The following FSTL5 variants were observed in gnomAD, a reference collection of about 807,000 sequenced individuals.
The protein encoded by FSTL5 is follistatin-related protein 5.
FSTL5 carries 62 observed loss-of-function variants against 89.1 expected under a neutral mutation model. That is an observed-to-expected ratio of 0.70 (90% CI 0.57 to 0.86). The LOEUF is 0.86. FSTL5 is among the 40% of genes least tolerant of loss of function. FSTL5 has a pLI of 0.00. For missense variants in FSTL5, 1,057 were observed against 1,001.6 expected (o/e 1.06, Z -0.75); for synonymous variants, 383 against 346.2 (o/e 1.11, Z -1.18).
At chr4:161,516,669 C>A (rs1022973857) in intron 10 of FSTL5, among the ~76,000 whole-genome samples, 5 of 139,080 alleles carry the variant, frequency 3.6e-5, no homozygotes, top group African/African-American at 1.1e-4. Flanking sequence ...TATATACACA[C>A]ACTAAGTATA....
chr4:161,793,048 C>A (rs911730042), intron 4 of FSTL5, among the ~76,000 whole-genome samples: 25 of 152,222 alleles, frequency 1.6e-4, no homozygotes, highest in African/African-American at 5.8e-4. Flanking sequence ...GGCACTATGG[C>A]ATTTCCCTCA....
chr4:161,552,544 C>CTGCA (rs1024642988), intron 8 of FSTL5: 4 of 151,710 alleles, frequency 2.6e-5, no homozygotes, highest in Admixed American at 2.6e-4. Context: ...CAATTTCCTC[C>CTGCA]TGCATTCCAA....
chr4:161,553,408 C>A lies in FSTL5; in HGVS notation c.1016-10715G>T, dbSNP rs575186858. Among the ~76,000 whole-genome samples the A allele has an allele frequency of 4.3e-3, 654 of 151,030 alleles. 3 individuals carry two copies. Among genetic ancestry groups the A allele is most frequent in the Middle Eastern group, 0.014 (4 of 294 alleles). ...AGGATGTAAATATATATATTTTATT[C>A]AAAAATTAGGTAAAGTATAAAATTT... On this transcript the variant is annotated intron_variant, in intron 8 of 15. Coordinates refer to ENST00000306100, the MANE Select transcript of FSTL5 (RefSeq NM_020116.5).
chr4:161,775,300 T>G (rs1266295810), intron 5 of FSTL5, among the ~76,000 whole-genome samples: 1 of 152,150 alleles, frequency 6.6e-6, no homozygotes, highest in East Asian at 1.9e-4. Context: ...TTGGGCTTCT[T>G]CTCTTCATTA....
intron 7 of FSTL5, among the ~76,000 whole-genome samples, chr4:161,598,368 C>G (rs570998025): frequency 7.6e-6 from 1 of 132,156 alleles, no homozygotes; most frequent in African/African-American, 2.9e-5. Flanking sequence ...GAGTGAGACC[C>G]TGTCTCAAAA....
chr4:161,900,363 A>G (rs1039383442), intron 4 of FSTL5, among the ~76,000 whole-genome samples: 7 of 152,068 alleles, frequency 4.6e-5, no homozygotes, highest in Middle Eastern at 3.2e-3. Context: ...GTTCTCAGCA[A>G]GAACAGAAAC....
In FSTL5 at chr4:161,455,007, A is replaced by T. The variant is rs1209893117; in HGVS notation, c.1838T>A (p.Met613Lys). 1 of 1,613,280 alleles carries T rather than the reference A, an allele frequency of 6.2e-7. No individual in the cohort carries two copies. The highest frequency in any genetic ancestry group is 1.1e-5 in the South Asian group (1 of 90,958). Residue 613 changes from methionine (M) to lysine (K), a missense_variant, in exon 15 of 16, where the codon ATG becomes AAG. Physicochemically the swap from Met to Lys is moderately conservative, Grantham distance 95. Around this residue, in one of 3 missense-constraint regions of FSTL5, gnomAD observed 980 missense variants for 903.2 expected, o/e 1.08. Transcript: ENST00000306100. Reference sequence around the variant, plus strand: ...GATCACTCAACTTAGCACTTACCTCATATGGGTGATAATGAGTGTTGTGGT... The same window carrying T: ...GATCACTCAACTTAGCACTTACCTCTTATGGGTGATAATGAGTGTTGTGGT... ...IPTTTLIITH[M>K]RFGFILHKDE...
chr4:161,535,020 T>C (rs991399207), intron 10 of FSTL5, among the ~76,000 whole-genome samples: 2 of 152,126 alleles, frequency 1.3e-5, no homozygotes, highest in Non-Finnish European at 2.9e-5. Flanking sequence ...GCTAGCCACA[T>C]GCAGAAGAAT....
chr4:161,473,011 C>T (rs1734002686), intron 13 of FSTL5, among the ~76,000 whole-genome samples: 1 of 152,182 alleles, frequency 6.6e-6, no homozygotes, highest in Non-Finnish European at 1.5e-5. Flanking sequence ...CTATGAGCCA[C>T]CGTGCCTGGC....
intron 3 of FSTL5, among the ~76,000 whole-genome samples, chr4:161,959,311 A>G (rs1163109129): frequency 1.3e-5 from 2 of 152,100 alleles, no homozygotes; most frequent in African/African-American, 2.4e-5. Flanking sequence ...TAAGATACAT[A>G]TTTCCCATGT....
intron 8 of FSTL5, among the ~76,000 whole-genome samples, chr4:161,576,154 T>C (rs1337368034): frequency 2.6e-5 from 4 of 152,002 alleles, no homozygotes; most frequent in Non-Finnish European, 4.4e-5. Flanking sequence ...AAACCACTCC[T>C]CAAGGAAATA....
chr4:161,954,146 G>T (rs1169610851), intron 3 of FSTL5, among the ~76,000 whole-genome samples: 2 of 151,508 alleles, frequency 1.3e-5, no homozygotes, highest in Non-Finnish European at 3.0e-5. Context: ...AAATGAAGAT[G>T]TATCCAATTT....
At chr4:162,120,806 T>C (rs902533168) in intron 1 of FSTL5, among the ~76,000 whole-genome samples, 1 of 151,998 alleles carries the variant, frequency 6.6e-6, no homozygotes, top group East Asian at 1.9e-4. Context: ...AAAACACACA[T>C]GTACAAGTGC....
intron 4 of FSTL5, among the ~76,000 whole-genome samples, chr4:161,884,051 T>G (rs1732720754): frequency 1.6e-5 from 1 of 64,096 alleles, no homozygotes; most frequent in Admixed American, 2.2e-4. Context: ...TAGTTGTTCT[T>G]TTAATTTAAT....
intron 4 of FSTL5, among the ~76,000 whole-genome samples, chr4:161,825,906 T>C (rs1730652965): frequency 6.6e-6 from 1 of 152,078 alleles, no homozygotes; most frequent in African/African-American, 2.4e-5. Flanking sequence ...TCATTATTTC[T>C]TTTTTTCTGT....
chr4:161,962,892 A>G (rs1242689696), intron 3 of FSTL5, among the ~76,000 whole-genome samples: 2 of 152,060 alleles, frequency 1.3e-5, no homozygotes, highest in African/African-American at 4.8e-5. Flanking sequence ...GAAAATTAAT[A>G]TAAAAATTTC....
At chr4:161,768,110 A>G (rs1440796210) in intron 5 of FSTL5, among the ~76,000 whole-genome samples, 1 of 152,118 alleles carries the variant, frequency 6.6e-6, no homozygotes, top group Non-Finnish European at 1.5e-5. Flanking sequence ...ACTTGAGGAA[A>G]TTGAAAAATA....
chr4:162,074,483 G>T (rs1466379109), intron 2 of FSTL5, among the ~76,000 whole-genome samples: 3 of 151,446 alleles, frequency 2.0e-5, no homozygotes, highest in Middle Eastern at 3.2e-3. Flanking sequence ...TAATCATCTT[G>T]AATTGACATT....
intron 7 of FSTL5, among the ~76,000 whole-genome samples, chr4:161,604,635 A>C (rs928936258): frequency 2.6e-5 from 4 of 152,302 alleles, no homozygotes; most frequent in Admixed American, 2.0e-4. Context: ...CTGGGGTTAC[A>C]AAACCACCCA....
Sources: allele counts gnomAD v4.1 joint callset (sites outside exome capture counted in the v4.1 genomes callset), GRCh38; gene constraint gnomAD v4.1.1; regional missense constraint gnomAD v4.1.1; transcripts MANE v1.5; gene names NCBI Gene and HGNC (gene_info 2026-07-23, HGNC 2026-07-21).